Variants in CDC16 observed in about 807,000 individuals in gnomAD.
CDC16 encodes cell division cycle 16.
A neutral mutation model predicts 87.0 loss-of-function variants in CDC16; 34 were observed. That is an observed-to-expected ratio of 0.39 (90% CI 0.30 to 0.52). CDC16 has a LOEUF of 0.52. CDC16 is among the 20% of genes least tolerant of loss of function. CDC16 has a pLI of 0.74. For synonymous variants in CDC16, 263 were observed against 260.6 expected, an observed-to-expected ratio of 1.01 and a Z score of -0.09; for missense variants, 653 against 751.9, an observed-to-expected ratio of 0.87 and a Z score of 1.54.
chr13:114,243,939 G>A lies in CDC16; in HGVS notation c.717G>A (p.Glu239=). The change falls in exon 8 of 18, where the codon GAG becomes GAA. Residue 239 remains glutamate (E), a synonymous_variant. Transcript: ENST00000356221. The part of the protein sequence containing the change: ...ENLDVVVSLA[E]RHYYNCDFKM... ...TGGATGTGGTAGTGTCTTTAGCTGA[G>A]AGACATTATTATAACTGTGATTTTA... 6.2e-7 allele frequency: 1 copy of A among 1,603,564 alleles called. No homozygotes were observed. The highest frequency in any genetic ancestry group is 8.5e-7 in the Non-Finnish European group (1 of 1,170,614).
intron 14 of CDC16, among the ~76,000 whole-genome samples, chr13:114,260,676 G>A (rs2082794418): frequency 6.6e-6 from 1 of 152,210 alleles, no homozygotes; most frequent in South Asian, 2.1e-4. Context: ...CTATTGAAAT[G>A]TCAAAATGCT....
Position 114,247,587 on chromosome 13 carries a change from A to C in CDC16, c.971+583A>C, listed in dbSNP as rs563115177. Reference sequence around the variant, plus strand: ...AACCTACATATTTTATTTATTAATGAGAATAAATGGCCAGGCATGGTGGCT... The same window carrying C: ...AACCTACATATTTTATTTATTAATGCGAATAAATGGCCAGGCATGGTGGCT... On this transcript the variant is annotated intron_variant, in intron 11 of 17. Transcript: ENST00000356221. Among the ~76,000 whole-genome samples, 3 of 152,216 alleles carry C rather than the reference A, an allele frequency of 2.0e-5. No individual in the cohort carries two copies. The South Asian group carries it at 6.2e-4, about 32-fold the overall frequency.
intron 13 of CDC16, among the ~76,000 whole-genome samples, 163 bp downstream of exon 13, chr13:114,257,393 T>C (rs2082568518): frequency 6.6e-6 from 1 of 152,234 alleles, no homozygotes; most frequent in South Asian, 2.1e-4. Context: ...AACTGTTATC[T>C]TGGATTTCCT....
At chr13:114,240,409 C>G (rs1816634573) in intron 5 of CDC16, among the ~76,000 whole-genome samples, 1 of 152,140 alleles carries the variant, frequency 6.6e-6, no homozygotes, top group Admixed American at 6.5e-5. Context: ...CGGGGTTTCA[C>G]CATGTTAGCC....
chr13:114,247,524 GAAA>G (rs546374477), intron 11 of CDC16, among the ~76,000 whole-genome samples: 1 of 147,610 alleles, frequency 6.8e-6, no homozygotes, highest in Non-Finnish European at 1.5e-5. Flanking sequence ...GGGAGAGAGA[GAAA>G]AAAAAAATCA....
At chr13:114,269,926 G>A (rs1020782209) in intron 17 of CDC16, among the ~76,000 whole-genome samples, 3 of 152,094 alleles carry the variant, frequency 2.0e-5, no homozygotes, top group East Asian at 1.9e-4. Flanking sequence ...GGCTGGTCTC[G>A]AACTCCTGAC....
rs565905305 is a variant in CDC16 at position 114,249,126 on chromosome 13, A to G, written c.972-1423A>G. Among the ~76,000 whole-genome samples, 8 of 151,966 alleles carry G rather than the reference A, an allele frequency of 5.3e-5. No homozygotes were observed. In the South Asian group the frequency reaches 1.5e-3, roughly 28 times the overall value. ...GCCCTGAGCTTGTTTTCCTGCAACTAGATGGTCCCATCTGGGAGAGATGGG... is the reference window on the plus strand; with the variant it reads ...GCCCTGAGCTTGTTTTCCTGCAACTGGATGGTCCCATCTGGGAGAGATGGG... On this transcript the variant is annotated intron_variant, in intron 11 of 17. Transcript: ENST00000356221.
intron 7 of CDC16, 68 bp from the exon 8 acceptor site, chr13:114,243,788 C>T: frequency 2.2e-6 from 3 of 1,373,896 alleles, no homozygotes. Flanking sequence ...GGGCCAAACA[C>T]AAATTGAATC....
chr13:114,245,111 G>A, intron 9 of CDC16, 142 bp downstream of exon 9: 1 of 518,772 alleles, frequency 1.9e-6, no homozygotes, highest in East Asian at 3.2e-5. Flanking sequence ...GTAACAACTG[G>A]GGAGGAAATG....
In CDC16 at chr13:114,239,440, G is replaced by A. The variant is rs142490813; in HGVS notation, c.331G>A (p.Glu111Lys). ...ATTATTTGAAAAATACTTGAAGGAC[G>A]AAAGTGGCTTCAAAGATCCTTCCAG... ...KRLFEKYLKD[E>K]SGFKDPSSDW... Residue 111 changes from glutamate to lysine, a missense_variant, in exon 5 of 18, where the codon GAA (glutamate) becomes AAA (lysine). Glu to Lys is a moderately conservative substitution (Grantham distance 56, BLOSUM62 1). Coordinates refer to ENST00000356221, the MANE Select transcript of CDC16 (RefSeq NM_001078645.3). The A allele has an allele frequency of 2.2e-5, 35 of 1,612,752 alleles. No individual in the cohort carries two copies. The highest frequency in any genetic ancestry group is 2.7e-5 in the Non-Finnish European group (32 of 1,179,096).
intron 5 of CDC16, 143 bp downstream of exon 5, chr13:114,239,633 A>G: frequency 1.6e-6 from 2 of 1,231,538 alleles, no homozygotes; most frequent in Non-Finnish European, 1.0e-6. Context: ...ACCAAAACCA[A>G]AAAAGATTCT....
At chr13:114,252,334 A>C (rs1359891173) in intron 12 of CDC16, among the ~76,000 whole-genome samples, 2 of 152,234 alleles carry the variant, frequency 1.3e-5, no homozygotes, top group Admixed American at 6.5e-5. Flanking sequence ...TTAGGACTTC[A>C]TGTAACCTTT....
At chr13:114,261,261 G>T (rs2139116416) in intron 14 of CDC16, among the ~76,000 whole-genome samples, 1 of 152,264 alleles carries the variant, frequency 6.6e-6, no homozygotes, top group Non-Finnish European at 1.5e-5. Flanking sequence ...AAGAGTTTGT[G>T]CCTTATCCTG....
At chr13:114,239,890 C>T (rs1167302690) in intron 5 of CDC16, among the ~76,000 whole-genome samples, 1 of 152,094 alleles carries the variant, frequency 6.6e-6, no homozygotes, top group East Asian at 1.9e-4. Context: ...AAGTACATTG[C>T]TATGTAATTG....
intron 14 of CDC16, among the ~76,000 whole-genome samples, chr13:114,260,260 C>T (rs2082756496): frequency 6.6e-6 from 1 of 152,204 alleles, no homozygotes; most frequent in South Asian, 2.1e-4. Flanking sequence ...TCTCTCATGT[C>T]ATCTGAACTT....
At chr13:114,251,264 G>T (rs1216277646) in intron 12 of CDC16, among the ~76,000 whole-genome samples, 3 of 152,130 alleles carry the variant, frequency 2.0e-5, no homozygotes, top group Non-Finnish European at 4.4e-5. Context: ...GCCTGGTCTG[G>T]AGTCATACCT....
At chr13:114,265,548 GCAA>G (rs1439925253) in intron 17 of CDC16, among the ~76,000 whole-genome samples, 2 of 152,118 alleles carry the variant, frequency 1.3e-5, no homozygotes, top group African/African-American at 4.8e-5. Context: ...AGAAATCTTA[GCAA>G]CATTTTTCTG....
At position 114,244,834 on chromosome 13, in the gene CDC16, C is replaced by T. The variant is rs17291194; in HGVS notation, c.768-56C>T. 4,701 of 1,049,380 alleles carry T rather than the reference C, an allele frequency of 4.5e-3. 140 individuals carry two copies. The African/African-American group carries it at 0.063, about 14-fold the overall frequency. 65.0% of individuals were successfully genotyped at this position (1,049,380 alleles called of 1,614,324 possible). A position where few individuals can be genotyped will look rare whatever the true frequency, so the allele number is the denominator to read the frequency against. ...TGACTGTCTACACATAGCCGATCGT[C>T]GTGAGTGCTGTCACCTGCTGGTTTG... On this transcript the variant is annotated intron_variant, in intron 8 of 17. Coordinates refer to ENST00000356221, the MANE Select transcript of CDC16 (RefSeq NM_001078645.3).
intron 16 of CDC16, among the ~76,000 whole-genome samples, chr13:114,263,543 T>C (rs1239067621): frequency 6.6e-6 from 1 of 152,230 alleles, no homozygotes; most frequent in Non-Finnish European, 1.5e-5. Flanking sequence ...AGAGAAAATA[T>C]TCTTGAACAT....
Sources: gnomAD v4.1 joint callset for allele counts (sites outside exome capture counted in the v4.1 genomes callset) on GRCh38, gnomAD v4.1.1 for gene constraint, MANE v1.5 for transcripts, NCBI Gene and HGNC (gene_info 2026-07-23, HGNC 2026-07-21) for gene names.